Variants in COL25A1 observed in about 807,000 individuals in gnomAD.
COL25A1 encodes collagen alpha-1(XXV) chain.
COL25A1 carries 103 observed loss-of-function variants against 128.4 expected under a neutral mutation model. The ratio of observed to expected loss-of-function variants is 0.80; its 90% CI spans 0.68 to 0.94. The LOEUF is 0.94. Among genes scored for constraint, COL25A1 ranks in the 40% least tolerant of loss-of-function variants. The probability of loss-of-function intolerance (pLI) is 0.00; values close to 1 mark genes in which losing one functional copy is unlikely to be tolerated. For synonymous variants in COL25A1, 279 were observed against 277.2 expected (o/e 1.01, Z -0.06); for missense variants, 745 against 840.0 (o/e 0.89, Z 1.40).
At chr4:109,044,604 G>T (rs1192564131) in intron 5 of COL25A1, among the ~76,000 whole-genome samples, 1 of 152,074 alleles carries the variant, frequency 6.6e-6, no homozygotes, top group Non-Finnish European at 1.5e-5. Flanking sequence ...TACACATGAA[G>T]CCACAGCACC....
intron 3 of COL25A1, among the ~76,000 whole-genome samples, chr4:109,147,658 A>C (rs1284080295): frequency 6.6e-6 from 1 of 151,962 alleles, no homozygotes; most frequent in Non-Finnish European, 1.5e-5. Context: ...CTCTAGTCAA[A>C]ATACAAAAAT....
At chr4:109,047,583 T>G (rs898479925) in intron 5 of COL25A1, among the ~76,000 whole-genome samples, 4 of 151,982 alleles carry the variant, frequency 2.6e-5, no homozygotes, top group African/African-American at 9.7e-5. Flanking sequence ...CTAAAGAACA[T>G]GTAACCAAAT....
chr4:108,825,101 G>T, intron 34 of COL25A1, 95 bp downstream of exon 34: 1 of 971,400 alleles, frequency 1.0e-6, no homozygotes, highest in Non-Finnish European at 1.6e-6. Flanking sequence ...ATACCTATAT[G>T]CACAGAAAAA....
At chr4:108,990,855 C>T (rs1472828637) in intron 6 of COL25A1, among the ~76,000 whole-genome samples, 2 of 152,130 alleles carry the variant, frequency 1.3e-5, no homozygotes, top group Admixed American at 6.5e-5. Context: ...CAAAGTCATA[C>T]AGCTCATAAG....
intron 8 of COL25A1, among the ~76,000 whole-genome samples, chr4:108,942,749 C>CTTT (rs746618908): frequency 2.5e-3 from 177 of 69,964 alleles, no homozygotes; most frequent in Non-Finnish European, 3.5e-3. Context: ...CACATCTGGA[C>CTTT]TTTTTTTTTT....
chr4:109,120,017 G>A (rs916065917), intron 3 of COL25A1, among the ~76,000 whole-genome samples: 1 of 151,964 alleles, frequency 6.6e-6, no homozygotes, highest in South Asian at 2.1e-4. Flanking sequence ...CACAGCACAA[G>A]GCTAAAAAAG....
chr4:109,193,516 C>T (rs1442985809), intron 3 of COL25A1, among the ~76,000 whole-genome samples: 3 of 152,118 alleles, frequency 2.0e-5, no homozygotes, highest in Non-Finnish European at 2.9e-5. Flanking sequence ...CTTGGAGGAA[C>T]ACCTAAAGCT....
At chr4:109,008,749 G>GCA (rs1756288780) in intron 6 of COL25A1, among the ~76,000 whole-genome samples, 1 of 41,512 alleles carries the variant, frequency 2.4e-5, no homozygotes, top group Non-Finnish European at 3.5e-5. Flanking sequence ...ACACATACAT[G>GCA]CGCGCGCACA....
At chr4:109,084,259 A>G (rs1289906827) in intron 3 of COL25A1, among the ~76,000 whole-genome samples, 3 of 152,228 alleles carry the variant, frequency 2.0e-5, no homozygotes, top group Admixed American at 1.3e-4. Context: ...TAGACCGTAC[A>G]GAATTTGAAA....
rs1445409988 is a variant in COL25A1 at position 109,302,063 on chromosome 4, ACCTCAAATAAT to A, written c.-55_-45del. On this transcript the variant is annotated splice_region_variant and 5_prime_UTR_variant, in exon 2 of 38. Transcript: ENST00000399132. The stretch of plus-strand genomic sequence containing the variant: ...CTCGGCTTCGCTTCCCACCCTCTAC[ACCTCAAATAAT>A]CCTAAAAGGAAAGAAAAAGGTCGAT... The A allele has an allele frequency of 6.6e-7, 1 of 1,524,244 alleles. No homozygotes were observed. The highest frequency in any genetic ancestry group is 1.4e-5 in the African/African-American group (1 of 72,114). 94.4% of individuals were successfully genotyped at this position (1,524,244 alleles called of 1,614,324 possible).
intron 3 of COL25A1, among the ~76,000 whole-genome samples, chr4:109,114,404 A>G (rs996587611): frequency 1.3e-5 from 2 of 152,082 alleles, no homozygotes; most frequent in African/African-American, 4.8e-5. Flanking sequence ...TGGACATTCA[A>G]TCCAGACTTG....
At chr4:108,830,495 C>T (rs6814559) in intron 32 of COL25A1, among the ~76,000 whole-genome samples, 69,792 of 152,118 alleles carry the variant, frequency 0.46, 17,011 homozygotes, top group South Asian at 0.58. Context: ...GTCCAGATGG[C>T]GCCTCTATCA....
chr4:108,828,634 G>T (rs1362128372), intron 32 of COL25A1, among the ~76,000 whole-genome samples: 5 of 152,212 alleles, frequency 3.3e-5, no homozygotes, highest in African/African-American at 9.6e-5. Flanking sequence ...GATAAAGAAA[G>T]AGATGTTCTG....
At chr4:108,814,062 A>G (rs1731025752) in intron 37 of COL25A1, 133 bp from the exon 38 acceptor site, 2 of 658,594 alleles carry the variant, frequency 3.0e-6, no homozygotes, top group East Asian at 2.7e-5. Context: ...CTGGCTATCA[A>G]TGAGCCAATT....
chr4:108,865,108 C>G (rs56168911), intron 20 of COL25A1, among the ~76,000 whole-genome samples: 14,959 of 152,180 alleles, frequency 0.098, 943 homozygotes, highest in Non-Finnish European at 0.14. Context: ...CCTTTTAATA[C>G]TCCCTAAACA....
chr4:109,209,386 T>C (rs1339502362), intron 3 of COL25A1, among the ~76,000 whole-genome samples: 1 of 152,072 alleles, frequency 6.6e-6, no homozygotes. Flanking sequence ...AATAACCCAG[T>C]CAACTCCTTC....
At chr4:109,183,870 T>G (rs1044261267) in intron 3 of COL25A1, among the ~76,000 whole-genome samples, 1 of 140,538 alleles carries the variant, frequency 7.1e-6, no homozygotes, top group East Asian at 2.1e-4. Context: ...TGTTTAAACT[T>G]AAAATATTTA....
chr4:108,920,751 T>A, intron 11 of COL25A1, 147 bp from the exon 12 acceptor site: 1 of 489,176 alleles, frequency 2.0e-6, no homozygotes, highest in Non-Finnish European at 3.4e-6. Flanking sequence ...AAGAAAAATT[T>A]CAGTTTGAAG....
chr4:109,093,098 C>A (rs941064412), intron 3 of COL25A1, among the ~76,000 whole-genome samples: 1 of 151,836 alleles, frequency 6.6e-6, no homozygotes, highest in African/African-American at 2.4e-5. Flanking sequence ...CAGGCCAGAA[C>A]AAAACAAGAA....
Sources: allele counts gnomAD v4.1 joint callset (sites outside exome capture counted in the v4.1 genomes callset), GRCh38; gene constraint gnomAD v4.1.1; transcripts MANE v1.5; gene names NCBI Gene and HGNC (gene_info 2026-07-23, HGNC 2026-07-21).